Variants in CALHM5 observed in about 807,000 individuals in gnomAD.
The protein encoded by CALHM5 is calcium homeostasis modulator protein 5.
In CALHM5, 17 loss-of-function variants were observed where a neutral mutation model predicts 20.9. The observed-to-expected ratio is 0.82, with a 90% CI of 0.56 to 1.22. CALHM5 has a LOEUF of 1.22. Ranked by LOEUF, CALHM5 falls within the 50% of genes most tolerant of loss-of-function variation. The probability of loss-of-function intolerance (pLI) is 0.00; values close to 1 mark genes in which losing one functional copy is unlikely to be tolerated. For missense variants in CALHM5, 360 were observed against 364.6 expected (o/e 0.99, Z 0.10); for synonymous variants, 148 against 140.0 (o/e 1.06, Z -0.40).
In CALHM5 at chr6:116,519,859, G is replaced by C. The variant is rs1772297750; in HGVS notation, c.*3870G>C. ...TATATATGATTCTTTTGTTTTTCCT[G>C]TGCAGTTCCTTCCTTTTTTCAGGCT... On this transcript the variant is annotated 3_prime_UTR_variant, in exon 2 of 2. Transcript: ENST00000368599. 2 of 152,058 alleles carry C rather than the reference G, an allele frequency of 1.3e-5. No homozygotes were observed. The highest frequency in any genetic ancestry group is 1.3e-4 in the Admixed American group (2 of 15,248). The allele number at this position is 152,058 out of a possible 1,614,324, so 9.4% of individuals were successfully genotyped here. A position where few individuals can be genotyped will look rare whatever the true frequency, so the allele number is the denominator to read the frequency against.
At chr6:116,514,141 A>G (rs1161724484) in intron 1 of CALHM5, among the ~76,000 whole-genome samples, 1 of 152,024 alleles carries the variant, frequency 6.6e-6, no homozygotes, top group Non-Finnish European at 1.5e-5. Context: ...ACCAAGCTCT[A>G]GTTTGACTCT....
At position 116,516,006 on chromosome 6, in the gene CALHM5, G is replaced by A. The variant is rs754897352; in HGVS notation, c.*17G>A. On this transcript the variant is annotated 3_prime_UTR_variant, in exon 2 of 2. Coordinates refer to ENST00000368599, the MANE Select transcript of CALHM5 (RefSeq NM_153711.5). Reference sequence around the variant, plus strand: ...AATATGTAGCTCATCCACCATCAATGACTCATGGTGTTGAGTGGCATGCTC... The same window carrying A: ...AATATGTAGCTCATCCACCATCAATAACTCATGGTGTTGAGTGGCATGCTC... The A allele has an allele frequency of 6.4e-7, 1 of 1,567,772 alleles. No homozygotes were observed. Among genetic ancestry groups the A allele is most frequent in the Admixed American group, 1.8e-5 (1 of 55,978 alleles).
rs1323006067 is a variant in CALHM5, at chr6:116,520,870, GT to G, written c.*4885del. On this transcript the variant is annotated 3_prime_UTR_variant, in exon 2 of 2. Transcript: ENST00000368599. ...TGATGTATTTGCCAATATACCATGG[GT>G]TTTCTTGGGCTGGGATGAACTTTCA... 1 of 151,982 alleles carries G rather than the reference GT, an allele frequency of 6.6e-6. No individual in the cohort carries two copies. Among genetic ancestry groups the G allele is most frequent in the African/African-American group, 2.4e-5 (1 of 41,364 alleles). 9.4% of individuals were successfully genotyped at this position (151,982 alleles called of 1,614,324 possible). A position where few individuals can be genotyped will look rare whatever the true frequency, so the allele number is the denominator to read the frequency against.
intron 1 of CALHM5, among the ~76,000 whole-genome samples, chr6:116,513,786 A>T (rs1049084992): frequency 5.9e-5 from 9 of 152,214 alleles, no homozygotes; most frequent in Non-Finnish European, 8.8e-5. Flanking sequence ...GCAGATAAAA[A>T]ATCTAGCTGG....
In CALHM5 at chr6:116,515,744, A is replaced by G. The variant is rs373925387; in HGVS notation, c.685A>G (p.Thr229Ala). The change falls in exon 2 of 2, where the codon ACA becomes GCA. Residue 229 changes from threonine (T) to alanine (A), a missense_variant. Physicochemically the swap from Thr to Ala is moderately conservative, Grantham distance 58. Transcript: ENST00000368599. Reference sequence around the variant, plus strand: ...AAAGGAGAAGGAGCAGTTGGAAAATACATTTCTGGACTATGCCAACAAGCT... The same window carrying G: ...AAAGGAGAAGGAGCAGTTGGAAAATGCATTTCTGGACTATGCCAACAAGCT... ...AQKEKEQLEN[T>A]FLDYANKLSE... 1 of 1,614,038 alleles carries G rather than the reference A, an allele frequency of 6.2e-7. No individual in the cohort carries two copies. Among genetic ancestry groups the G allele is most frequent in the African/African-American group, 1.3e-5 (1 of 75,040 alleles).
In CALHM5 at chr6:116,517,548, T is replaced by A. The variant is rs773631832; in HGVS notation, c.*1559T>A. On this transcript the variant is annotated 3_prime_UTR_variant, in exon 2 of 2. Transcript: ENST00000368599. ...GCTGAATATTAACTTCTTATTAACA[T>A]GAAACATGATGGCAAACTGAATCCT... 1.3e-5 allele frequency: 2 copies of A among 152,172 alleles called. No homozygotes were observed. The highest frequency in any genetic ancestry group is 2.9e-5 in the Non-Finnish European group (2 of 68,028). 9.4% of individuals were successfully genotyped at this position (152,172 alleles called of 1,614,324 possible).
At chr6:116,514,434 G>A (rs1040809105) in intron 1 of CALHM5, among the ~76,000 whole-genome samples, 18 of 152,302 alleles carry the variant, frequency 1.2e-4, no homozygotes, top group Admixed American at 1.2e-3. Context: ...TATGAGTTCA[G>A]TAACACATTT....
At chr6:116,513,805 C>T (rs1237893526) in intron 1 of CALHM5, among the ~76,000 whole-genome samples, 2 of 152,202 alleles carry the variant, frequency 1.3e-5, no homozygotes, top group Non-Finnish European at 2.9e-5. Context: ...GGATGACTCT[C>T]TATTCTTAAG....
Position 116,515,725 on chromosome 6 carries a change from G to A in CALHM5, c.666G>A (p.Glu222=), listed in dbSNP as rs1459822914. 9 of 1,613,896 alleles carry A rather than the reference G, an allele frequency of 5.6e-6. No homozygotes were observed. The highest frequency in any genetic ancestry group is 1.1e-5 in the South Asian group (1 of 91,082). Residue 222 remains glutamate, a synonymous_variant, in exon 2 of 2, where the codon GAG becomes GAA. Coordinates refer to ENST00000368599, the MANE Select transcript of CALHM5 (RefSeq NM_153711.5). ...LSFWKTYAQK[E]KEQLENTFLD... is the part of the protein sequence containing the mutation. ...TTTGGAAGACATATGCACAAAAGGA[G>A]AAGGAGCAGTTGGAAAATACATTTC...
Position 116,512,106 on chromosome 6 carries a change from T to A in CALHM5, c.410T>A (p.Leu137His), listed in dbSNP as rs1772133643. The change falls in exon 1 of 2, where the codon CTC (leucine) becomes CAC (histidine). Residue 137 changes from leucine to histidine, a missense_variant. By Grantham distance (99) the Leu-to-His change is moderately conservative. Coordinates refer to ENST00000368599, the MANE Select transcript of CALHM5 (RefSeq NM_153711.5). ...ATGAGCGGGACGAGAAGTTCAGGAC[T>A]CCTGGAACTGATTTGCAAGGGTAAG... ...CAMSGTRSSG[L>H]LELICKGKPK... is the part of the protein sequence containing the mutation. The A allele has an allele frequency of 6.2e-7, 1 of 1,613,926 alleles. No homozygotes were observed. The highest frequency in any genetic ancestry group is 1.1e-5 in the South Asian group (1 of 91,080).
In CALHM5 at chr6:116,519,248, G is replaced by A. The variant is rs1772286423; in HGVS notation, c.*3259G>A. On this transcript the variant is annotated 3_prime_UTR_variant, in exon 2 of 2. Transcript: ENST00000368599. ...CCTCTTAGGAGAAACATATTAGCAG[G>A]ATAAACACAAGAAAGAATGCAGTTA... 1 of 152,208 alleles carries A rather than the reference G, an allele frequency of 6.6e-6. No individual in the cohort carries two copies. The highest frequency in any genetic ancestry group is 2.4e-5 in the African/African-American group (1 of 41,444). 9.4% of individuals were successfully genotyped at this position (152,208 alleles called of 1,614,324 possible).
chr6:116,516,503 G>T lies in CALHM5; in HGVS notation c.*514G>T, dbSNP rs1249699030. 1.3e-5 allele frequency: 2 copies of T among 151,912 alleles called. No individual in the cohort carries two copies. Among genetic ancestry groups the T allele is most frequent in the Non-Finnish European group, 2.9e-5 (2 of 68,022 alleles). 9.4% of individuals were successfully genotyped at this position (151,912 alleles called of 1,614,324 possible). On this transcript the variant is annotated 3_prime_UTR_variant, in exon 2 of 2. Transcript: ENST00000368599. Reference sequence around the variant, plus strand: ...AGATCTCAGTTCTCAAAAATCACAAGTTGCAAGAATATGATACCTAAAATT... The same window carrying T: ...AGATCTCAGTTCTCAAAAATCACAATTTGCAAGAATATGATACCTAAAATT...
rs973112736 is a variant in CALHM5, at chr6:116,519,349, A to T, written c.*3360A>T. ...GCTTGACCTATGGGGGGGCTCTGGA[A>T]TGTCAGATTTCTCCTGATCCCAAGT... On this transcript the variant is annotated 3_prime_UTR_variant, in exon 2 of 2. Coordinates refer to ENST00000368599, the MANE Select transcript of CALHM5 (RefSeq NM_153711.5). 6.6e-6 allele frequency: 1 copy of T among 152,070 alleles called. No homozygotes were observed. Among genetic ancestry groups the T allele is most frequent in the African/African-American group, 2.4e-5 (1 of 41,428 alleles). The allele number at this position is 152,070 out of a possible 1,614,324, so 9.4% of individuals were successfully genotyped here.
rs1237068070 is a variant in CALHM5, at chr6:116,519,949, A to G, written c.*3960A>G. 6.6e-6 allele frequency: 1 copy of G among 152,222 alleles called. No individual in the cohort carries two copies. Among genetic ancestry groups the G allele is most frequent in the Admixed American group, 6.5e-5 (1 of 15,280 alleles). The allele number at this position is 152,222 out of a possible 1,614,324, so 9.4% of individuals were successfully genotyped here. A position where few individuals can be genotyped will look rare whatever the true frequency, so the allele number is the denominator to read the frequency against. Reference sequence around the variant, plus strand: ...CATATCAAATATAAAGTGGGAGAAAAAAAGGTATGTAACAAAGATTACAAA... The same window carrying G: ...CATATCAAATATAAAGTGGGAGAAAGAAAGGTATGTAACAAAGATTACAAA... On this transcript the variant is annotated 3_prime_UTR_variant, in exon 2 of 2. Coordinates refer to ENST00000368599, the MANE Select transcript of CALHM5 (RefSeq NM_153711.5).
At position 116,521,844 on chromosome 6, in the gene CALHM5, C is replaced by T. The variant is rs1772349150; in HGVS notation, c.*5855C>T. 6.6e-6 allele frequency: 1 copy of T among 152,064 alleles called. No homozygotes were observed. The highest frequency in any genetic ancestry group is 2.1e-4 in the South Asian group (1 of 4,822). The allele number at this position is 152,064 out of a possible 1,614,324, so 9.4% of individuals were successfully genotyped here. A position where few individuals can be genotyped will look rare whatever the true frequency, so the allele number is the denominator to read the frequency against. ...TCACTTTGAATCTGACCTTATGAAC[C>T]AATAAAATATGGCAGACATGAGGTA... On this transcript the variant is annotated 3_prime_UTR_variant, in exon 2 of 2. Coordinates refer to ENST00000368599, the MANE Select transcript of CALHM5 (RefSeq NM_153711.5).
In CALHM5 at chr6:116,511,777, C is replaced by A; in HGVS notation, c.81C>A (p.Thr27=). 6.2e-7 allele frequency: 1 copy of A among 1,613,994 alleles called. No homozygotes were observed. The highest frequency in any genetic ancestry group is 1.1e-5 in the South Asian group (1 of 91,068). ...VIGYSFMALL[T]VGSERLFSVV... is the part of the protein sequence containing the mutation. ...GCTACAGCTTCATGGCTCTGCTGACCGTGGGAAGTGAGCGTCTCTTTTCTG... is the reference window on the plus strand; with the variant it reads ...GCTACAGCTTCATGGCTCTGCTGACAGTGGGAAGTGAGCGTCTCTTTTCTG... Residue 27 remains threonine, a synonymous_variant, in exon 1 of 2, where the codon ACC becomes ACA. Transcript: ENST00000368599.
At chr6:116,513,739 G>T (rs1404809952) in intron 1 of CALHM5, among the ~76,000 whole-genome samples, 1 of 152,190 alleles carries the variant, frequency 6.6e-6, no homozygotes, top group East Asian at 1.9e-4. Flanking sequence ...GTGTACATGT[G>T]CCTGGAGGCG....
chr6:116,514,847 G>A (rs2115167490), intron 1 of CALHM5, among the ~76,000 whole-genome samples: 1 of 152,294 alleles, frequency 6.6e-6, no homozygotes, highest in African/African-American at 2.4e-5. Flanking sequence ...AATGTCAAGA[G>A]ACACTTTGAA....
At position 116,512,096 on chromosome 6, in the gene CALHM5, A is replaced by G; in HGVS notation, c.400A>G (p.Ser134Gly). 6.2e-7 allele frequency: 1 copy of G among 1,614,072 alleles called. No homozygotes were observed. The highest frequency in any genetic ancestry group is 8.5e-7 in the Non-Finnish European group (1 of 1,179,996). The change falls in exon 1 of 2, where the codon AGT becomes GGT. Residue 134 changes from serine (S) to glycine (G), a missense_variant. By Grantham distance (56) the Ser-to-Gly change is moderately conservative. Coordinates refer to ENST00000368599, the MANE Select transcript of CALHM5 (RefSeq NM_153711.5). ...TGAATGTGCCATGAGCGGGACGAGA[A>G]GTTCAGGACTCCTGGAACTGATTTG... ...FYECAMSGTR[S>G]SGLLELICKG...
Sources: gnomAD v4.1 joint callset for allele counts (sites outside exome capture counted in the v4.1 genomes callset) on GRCh38, gnomAD v4.1.1 for gene constraint, MANE v1.5 for transcripts, NCBI Gene and HGNC (gene_info 2026-07-23, HGNC 2026-07-21) for gene names.